Variants in THOP1 observed in about 807,000 individuals in gnomAD.
THOP1 encodes thimet oligopeptidase.
A neutral mutation model predicts 71.8 loss-of-function variants in THOP1; 49 were observed. That is an observed-to-expected ratio of 0.68 (90% confidence interval 0.54 to 0.87). The LOEUF is 0.87. THOP1 is among the 40% of genes least tolerant of loss of function. The probability of loss-of-function intolerance (pLI) is 0.00; values close to 1 mark genes in which losing one functional copy is unlikely to be tolerated. For synonymous variants in THOP1, 426 were observed against 421.5 expected (o/e 1.01, Z -0.13); for missense variants, 843 against 975.6 (o/e 0.86, Z 1.81).
At chr19:2,796,646 C>T (rs2741990) in intron 4 of THOP1, among the ~76,000 whole-genome samples, 62,778 of 147,648 alleles carry the variant, frequency 0.43, 14,613 homozygotes, top group East Asian at 0.64. Flanking sequence ...TGCTCAGTTG[C>T]GGGGAGTGCT....
intron 5 of THOP1, among the ~76,000 whole-genome samples, chr19:2,803,157 G>C (rs1047445370): frequency 1.3e-5 from 2 of 152,240 alleles, no homozygotes; most frequent in Non-Finnish European, 2.9e-5. Context: ...AGGAGACCTG[G>C]CGCCTTTGAG....
chr19:2,798,071 C>T (rs1916060286), intron 4 of THOP1, among the ~76,000 whole-genome samples: 1 of 152,164 alleles, frequency 6.6e-6, no homozygotes, highest in Non-Finnish European at 1.5e-5. Flanking sequence ...CTCTGTCTCC[C>T]AGGCTGGAGT....
intron 1 of THOP1, among the ~76,000 whole-genome samples, chr19:2,787,836 C>T (rs142360863): frequency 1.3e-5 from 2 of 152,322 alleles, no homozygotes; most frequent in East Asian, 1.9e-4. Context: ...CCCTGCAGTG[C>T]CCAGGACAGC....
intron 5 of THOP1, among the ~76,000 whole-genome samples, chr19:2,800,991 G>T (rs1416992625): frequency 6.6e-6 from 1 of 152,196 alleles, no homozygotes; most frequent in African/African-American, 2.4e-5. Context: ...GGAAACAAAA[G>T]CTTCTCATTG....
Position 2,815,374 on chromosome 19 carries a change from A to C in THOP1, c.*2098A>C, listed in dbSNP as rs1736186. The C allele has an allele frequency of 6.6e-6, 1 of 152,208 alleles. No homozygotes were observed. The highest frequency in any genetic ancestry group is 6.5e-5 in the Admixed American group (1 of 15,288). The allele number at this position is 152,208 out of a possible 1,614,324, so 9.4% of individuals were successfully genotyped here. ...ACACCCCACTCCCCTGGAAGTCACC[A>C]ACTGGGCTTAGTTGCCGGATACCCC... On this transcript the variant is annotated 3_prime_UTR_variant, in exon 13 of 13. Transcript: ENST00000307741.
chr19:2,812,338 T>C (rs1301803630), intron 12 of THOP1: 1 of 1,533,438 alleles, frequency 6.5e-7, no homozygotes, highest in Admixed American at 2.0e-5. Flanking sequence ...GGCCCTGCCC[T>C]GCCTGGGTGC....
chr19:2,796,763 C>G (rs1019008257), intron 4 of THOP1, among the ~76,000 whole-genome samples: 2 of 152,102 alleles, frequency 1.3e-5, no homozygotes, highest in African/African-American at 4.8e-5. Flanking sequence ...GGGCTGACCC[C>G]CGGCCTGATG....
intron 12 of THOP1, chr19:2,812,317 C>G: frequency 6.5e-7 from 1 of 1,535,392 alleles, no homozygotes; most frequent in Non-Finnish European, 8.7e-7. Context: ...TGGCTACCAG[C>G]TTTGAGGGCC....
rs375177048 is a variant in THOP1, at chr19:2,808,179, C to T, written c.1254-64C>T. 7.1e-5 allele frequency: 106 copies of T among 1,501,116 alleles called. No individual in the cohort carries two copies. In the East Asian group the frequency reaches 2.0e-3, roughly 29 times the overall value. 93.0% of individuals were successfully genotyped at this position (1,501,116 alleles called of 1,614,324 possible). A position where few individuals can be genotyped will look rare whatever the true frequency, so the allele number is the denominator to read the frequency against. On this transcript the variant is annotated intron_variant, in intron 8 of 12. Transcript: ENST00000307741. ...TAGCAGTCAGGTGGGCTGAGGGATG[C>T]GGAGTCAGGGACTCTTGCGGTGTCT...
chr19:2,786,611 T>A (rs1915748401), intron 1 of THOP1, among the ~76,000 whole-genome samples: 1 of 152,032 alleles, frequency 6.6e-6, no homozygotes, highest in Non-Finnish European at 1.5e-5. Context: ...GTTGGTTTAT[T>A]TTTTGAGACA....
chr19:2,810,341 G>A lies in THOP1; in HGVS notation c.1493G>A (p.Arg498Gln), dbSNP rs777364826. 104 of 1,611,736 alleles carry A rather than the reference G, an allele frequency of 6.5e-5. No homozygotes were observed. The highest frequency in any genetic ancestry group is 7.0e-5 in the Non-Finnish European group (83 of 1,179,730). The stretch of plus-strand genomic sequence containing the variant: ...ATGTTCAGCGGGACCCACGTGGAGC[G>A]GGACTTTGTGGAGGCGCCGTCGCAG... ...FAMFSGTHVE[R>Q]DFVEAPSQML... The change falls in exon 10 of 13, where the codon CGG becomes CAG. Residue 498 changes from arginine to glutamine, a missense_variant. Transcript: ENST00000307741.
At position 2,805,251 on chromosome 19, in the gene THOP1, A is replaced by T; in HGVS notation, c.750+75A>T. 3 of 1,468,178 alleles carry T rather than the reference A, an allele frequency of 2.0e-6. No homozygotes were observed. The Admixed American group carries it at 7.2e-5, about 35-fold the overall frequency. 90.9% of individuals were successfully genotyped at this position (1,468,178 alleles called of 1,614,324 possible). A position where few individuals can be genotyped will look rare whatever the true frequency, so the allele number is the denominator to read the frequency against. Reference sequence around the variant, plus strand: ...GGGGCCCGTCTGCTCCATGTGTGTGAGGCACCTCCAGGCTTTGCACTTGGA... The same window carrying T: ...GGGGCCCGTCTGCTCCATGTGTGTGTGGCACCTCCAGGCTTTGCACTTGGA... On this transcript the variant is annotated intron_variant, in intron 6 of 12. Coordinates refer to ENST00000307741, the MANE Select transcript of THOP1 (RefSeq NM_003249.5). The surrounding 1 kb of genome is among the most constrained non-coding windows in gnomAD (Gnocchi z 6.6).
Position 2,804,296 on chromosome 19 carries a change from G to A in THOP1, c.590-720G>A, listed in dbSNP as rs553974298. Among the ~76,000 whole-genome samples, 51 of 152,278 alleles carry A rather than the reference G, an allele frequency of 3.3e-4. No individual in the cohort carries two copies. Among genetic ancestry groups the A allele is most frequent in the African/African-American group, 1.2e-3 (50 of 41,556 alleles). ...TGGGAGGGTGTGGCTGCCGGGCAGC[G>A]GGGTGAACTGTGTCCTGCCAGGGGT... On this transcript the variant is annotated intron_variant, in intron 5 of 12. Transcript: ENST00000307741. The surrounding 1 kb of genome is among the most constrained non-coding windows in gnomAD (Gnocchi z 4.7).
intron 11 of THOP1, 115 bp from the exon 12 acceptor site, chr19:2,811,483 T>C: frequency 7.1e-7 from 1 of 1,409,590 alleles, no homozygotes; most frequent in East Asian, 2.5e-5. Flanking sequence ...ACCGTGATCC[T>C]CCAGCTTCTC....
intron 4 of THOP1, 68 bp downstream of exon 4, chr19:2,796,256 G>T: frequency 7.7e-7 from 1 of 1,298,448 alleles, no homozygotes. Context: ...TGGGCACAGG[G>T]AGTGCTCAGT....
chr19:2,790,360 A>T (rs1434128891), intron 1 of THOP1, 61 bp from the exon 2 acceptor site: 25 of 1,439,960 alleles, frequency 1.7e-5, no homozygotes, highest in African/African-American at 4.3e-5. Flanking sequence ...TGCCCTCCTG[A>T]CTTTGACCCT....
intron 4 of THOP1, among the ~76,000 whole-genome samples, chr19:2,798,442 G>C (rs922736254): frequency 1.7e-4 from 26 of 152,216 alleles, no homozygotes; most frequent in Non-Finnish European, 3.2e-4. Context: ...AGCAGAGGCA[G>C]CCCCGCCTGG....
intron 9 of THOP1, among the ~76,000 whole-genome samples, chr19:2,809,352 CA>C (rs1183932055): frequency 6.6e-6 from 1 of 152,198 alleles, no homozygotes; most frequent in Non-Finnish European, 1.5e-5. Flanking sequence ...GTGCTCTGCA[CA>C]ACGCTTGGGG....
At chr19:2,794,285 G>C (rs192972724) in intron 2 of THOP1, among the ~76,000 whole-genome samples, 5 of 152,212 alleles carry the variant, frequency 3.3e-5, no homozygotes, top group Admixed American at 1.3e-4. Context: ...AAAGGGCTGG[G>C]ATTACAGGCT....
Sources: gnomAD v4.1 joint callset for allele counts (sites outside exome capture counted in the v4.1 genomes callset) on GRCh38, gnomAD v4.1.1 for gene constraint, Gnocchi (gnomAD v3.1) non-coding constraint, MANE v1.5 for transcripts, NCBI Gene and HGNC (gene_info 2026-07-23, HGNC 2026-07-21) for gene names.